The following MEGF6 variants were observed in gnomAD, a reference collection of about 807,000 sequenced individuals.
MEGF6 encodes multiple EGF like domains 6.
A neutral mutation model predicts 207.1 loss-of-function variants in MEGF6; 184 were observed. That is an observed-to-expected ratio of 0.89 (90% CI 0.79 to 1.00). The LOEUF (loss-of-function observed/expected upper bound fraction) is 1.00, where lower values mean the gene tolerates loss of function less well. Ranked by LOEUF, MEGF6 falls within the 50% of genes least tolerant of loss-of-function variation. The pLI, the probability that MEGF6 is intolerant of heterozygous loss-of-function variation, is 0.00. For missense variants in MEGF6, 2,282 were observed against 2,202.9 expected, an observed-to-expected ratio of 1.04 and a Z score of -0.72; for synonymous variants, 1,038 against 910.0, an observed-to-expected ratio of 1.14 and a Z score of -2.53.
Position 3,498,383 on chromosome 1 carries a change from T to C in MEGF6, c.3340A>G (p.Lys1114Glu), listed in dbSNP as rs1165483496. 6.9e-6 allele frequency: 11 copies of C among 1,601,918 alleles called. No homozygotes were observed. The highest frequency in any genetic ancestry group is 9.3e-6 in the Non-Finnish European group (11 of 1,177,480). ...CLCPAGWTGD[K>E]CQSPCLRGWF... The stretch of plus-strand genomic sequence containing the variant: ...CCGCCCCACTCACGGCTCTGACACT[T>C]GTCCCCAGTCCAGCCGGCTGGGCAG... The change falls in exon 26 of 37, where the codon AAG becomes GAG. Residue 1114 changes from lysine (K) to glutamate (E), a missense_variant. Coordinates refer to ENST00000356575, the MANE Select transcript of MEGF6 (RefSeq NM_001409.4).
At chr1:3,538,586 G>A (rs919939614) in intron 4 of MEGF6, among the ~76,000 whole-genome samples, 1 of 152,112 alleles carries the variant, frequency 6.6e-6, no homozygotes, top group African/African-American at 2.4e-5. Context: ...CGATGGAGTG[G>A]TCCTGTCTCC....
chr1:3,558,454 C>A (rs1489482676), intron 4 of MEGF6, among the ~76,000 whole-genome samples: 1 of 152,132 alleles, frequency 6.6e-6, no homozygotes, highest in Non-Finnish European at 1.5e-5. Context: ...ACAACTAAGG[C>A]CCTCCTCAAA....
intron 5 of MEGF6, among the ~76,000 whole-genome samples, chr1:3,522,162 G>A (rs371688948): frequency 8.5e-4 from 130 of 152,344 alleles, no homozygotes; most frequent in African/African-American, 2.8e-3. Flanking sequence ...CCTCAGTCAA[G>A]TGAAAGAGAA....
intron 29 of MEGF6, among the ~76,000 whole-genome samples, 163 bp from the exon 30 acceptor site, chr1:3,496,181 C>T (rs1203717035): frequency 1.3e-5 from 2 of 152,212 alleles, no homozygotes; most frequent in Non-Finnish European, 2.9e-5. Flanking sequence ...TGGCATCTCC[C>T]TTCCACCCGC....
intron 5 of MEGF6, among the ~76,000 whole-genome samples, chr1:3,518,735 G>C (rs1641634636): frequency 6.6e-6 from 1 of 152,240 alleles, no homozygotes; most frequent in Non-Finnish European, 1.5e-5. Context: ...CCCTCAGATA[G>C]GGATGGTTTC....
At position 3,556,647 on chromosome 1, in the gene MEGF6, C is replaced by G. The variant is rs140955580; in HGVS notation, c.481+23178G>C. On this transcript the variant is annotated intron_variant, in intron 4 of 36. Coordinates refer to ENST00000356575, the MANE Select transcript of MEGF6 (RefSeq NM_001409.4). This position sits in a 1 kb window ranked among gnomAD's most constrained non-coding sequence, Gnocchi z 4.4. Reference sequence around the variant, plus strand: ...CGGGACACACTGGAGACGAATAGGACTGACCACCAAGCAGACTGCAGGCAG... The same window carrying G: ...CGGGACACACTGGAGACGAATAGGAGTGACCACCAAGCAGACTGCAGGCAG... 6.6e-6 allele frequency among the ~76,000 whole-genome samples: 1 copy of G among 152,162 alleles called. No homozygotes were observed. The highest frequency in any genetic ancestry group is 1.5e-5 in the Non-Finnish European group (1 of 68,040).
chr1:3,502,219 G>A (rs959153451), intron 17 of MEGF6, among the ~76,000 whole-genome samples: 3 of 152,116 alleles, frequency 2.0e-5, no homozygotes, highest in Non-Finnish European at 2.9e-5. Context: ...GCTGACGGAT[G>A]GGAGGAGAGG....
chr1:3,558,707 C>T (rs1039108373), intron 4 of MEGF6, among the ~76,000 whole-genome samples: 8 of 152,196 alleles, frequency 5.3e-5, no homozygotes, highest in Non-Finnish European at 1.2e-4. Flanking sequence ...TGTGCTCTTG[C>T]GATCGTGATG....
intron 5 of MEGF6, 91 bp from the exon 6 acceptor site, chr1:3,515,618 C>A: frequency 6.7e-7 from 1 of 1,487,530 alleles, no homozygotes; most frequent in South Asian, 1.2e-5. Context: ...AGTGGCATGG[C>A]CACTTCTTCC....
intron 3 of MEGF6, among the ~76,000 whole-genome samples, chr1:3,586,600 G>GA (rs1643897374): frequency 2.6e-5 from 4 of 152,308 alleles, no homozygotes; most frequent in Admixed American, 2.0e-4. Flanking sequence ...CTGCATGGAG[G>GA]AAAAGGGAGC....
In MEGF6 at chr1:3,573,845, G is replaced by C. The variant is rs1379703876; in HGVS notation, c.481+5980C>G. 6.6e-6 allele frequency among the ~76,000 whole-genome samples: 1 copy of C among 152,158 alleles called. No homozygotes were observed. ...ACCCTCAGACACAGTGGGCAGCATT[G>C]AAAGGCAGTGGGGAGGGCCGCTTCC... On this transcript the variant is annotated intron_variant, in intron 4 of 36. Transcript: ENST00000356575. The surrounding 1 kb of genome is among the most constrained non-coding windows in gnomAD (Gnocchi z 5.1).
the MEGF6 span, among the ~76,000 whole-genome samples, chr1:3,619,063 C>T: frequency 6.6e-6 from 1 of 152,228 alleles, no homozygotes; most frequent in South Asian, 2.1e-4. Flanking sequence ...AGATAAAAAC[C>T]CACACTTCCC....
At chr1:3,532,949 T>A (rs1243140048) in intron 4 of MEGF6, among the ~76,000 whole-genome samples, 1 of 152,212 alleles carries the variant, frequency 6.6e-6, no homozygotes. Context: ...CAGACTAAGA[T>A]GCTGTCCTCA....
Position 3,508,680 on chromosome 1 carries a change from T to C in MEGF6, c.1538A>G (p.Asp513Gly), listed in dbSNP as rs906182913. 1.2e-6 allele frequency: 2 copies of C among 1,613,182 alleles called. No individual in the cohort carries two copies. The highest frequency in any genetic ancestry group is 3.3e-5 in the Admixed American group (2 of 60,016). Residue 513 changes from aspartate (D) to glycine (G), a missense_variant, in exon 13 of 37, where the codon GAT becomes GGT. Transcript: ENST00000356575. Reference sequence around the variant, plus strand: ...GCTGCAGTCATGGCCAAAGGAGTCATCCAGGCAGACTGGGGGCAGACCAGG... The same window carrying C: ...GCTGCAGTCATGGCCAAAGGAGTCACCCAGGCAGACTGGGGGCAGACCAGG... The part of the protein sequence containing the change: ...HTLTEKFVCL[D>G]DSFGHDCSLT...
At chr1:3,510,202 C>G (rs374459056) in intron 10 of MEGF6, among the ~76,000 whole-genome samples, 1 of 152,018 alleles carries the variant, frequency 6.6e-6, no homozygotes, top group Non-Finnish European at 1.5e-5. Flanking sequence ...ATGGCAGACA[C>G]GTGCTAGGGG....
At position 3,510,877 on chromosome 1, in the gene MEGF6, C is replaced by T. The variant is rs199986147; in HGVS notation, c.1140G>A (p.Pro380=). 1.9e-4 allele frequency: 311 copies of T among 1,609,154 alleles called. 3 individuals are homozygous for T. The African/African-American group carries it at 2.0e-3, about 10-fold the overall frequency. ...CIDVDDCADS[P]CCQQVCTNNP... ...TGTTGGTGCACACCTGCTGGCAGCA[C>T]GGGCTGTCTGCACAGTCGTCGACAT... Residue 380 remains proline (P), a synonymous_variant, in exon 10 of 37, where the codon CCG becomes CCA. Coordinates refer to ENST00000356575, the MANE Select transcript of MEGF6 (RefSeq NM_001409.4).
chr1:3,582,514 C>T (rs75723975), intron 3 of MEGF6, among the ~76,000 whole-genome samples: 2,342 of 152,302 alleles, frequency 0.015, 58 homozygotes, highest in South Asian at 0.096. Context: ...GCCTCTTAGC[C>T]GGCCCCAGCT....
At chr1:3,613,707 C>T (rs896144449), upstream of MEGF6, among the ~76,000 whole-genome samples, 11 of 152,130 alleles carry the variant, frequency 7.2e-5, no homozygotes, top group African/African-American at 2.7e-4. Flanking sequence ...GAGGGGCCCT[C>T]TGGAAGAAAA....
intron 2 of MEGF6, among the ~76,000 whole-genome samples, chr1:3,600,560 C>T (rs1409242416): frequency 1.3e-5 from 2 of 152,168 alleles, no homozygotes; most frequent in African/African-American, 2.4e-5. Flanking sequence ...AGCCTCAGGC[C>T]GGTGCTCCAG....
Sources: gnomAD v4.1 joint callset for allele counts (sites outside exome capture counted in the v4.1 genomes callset) on GRCh38, gnomAD v4.1.1 for gene constraint, Gnocchi (gnomAD v3.1) non-coding constraint, MANE v1.5 for transcripts, NCBI Gene and HGNC (gene_info 2026-07-23, HGNC 2026-07-21) for gene names.